Variants in THOC1 observed in about 807,000 individuals in gnomAD.
THOC1 encodes the protein THO complex subunit 1.
In THOC1, 29 loss-of-function variants were observed where a neutral mutation model predicts 97.3. That is an observed-to-expected ratio of 0.30 (90% CI 0.22 to 0.41). The LOEUF (loss-of-function observed/expected upper bound fraction) is 0.41, where lower values mean the gene tolerates loss of function less well. THOC1 is among the 10% of genes least tolerant of loss of function. THOC1 has a pLI of 1.00. For missense variants in THOC1, 529 were observed against 761.9 expected (o/e 0.69, Z 3.60); for synonymous variants, 255 against 257.0 (o/e 0.99, Z 0.07).
chr18:242,235 G>C lies in THOC1; in HGVS notation c.918+4089C>G, dbSNP rs1555607091. ...CTCACGCCTGTAATCCCTGCACTTT[G>C]GAAGGCTGAGGCAGGCAGATCACCT... On this transcript the variant is annotated intron_variant, in intron 11 of 20. Transcript: ENST00000261600. The surrounding 1 kb of genome is among the most constrained non-coding windows in gnomAD (Gnocchi z 4.5). 6.6e-6 allele frequency among the ~76,000 whole-genome samples: 1 copy of C among 151,612 alleles called. No individual in the cohort carries two copies. The highest frequency in any genetic ancestry group is 1.5e-5 in the Non-Finnish European group (1 of 68,026).
At chr18:240,262 T>C (rs1364752439) in intron 11 of THOC1, among the ~76,000 whole-genome samples, 1 of 152,234 alleles carries the variant, frequency 6.6e-6, no homozygotes, top group Non-Finnish European at 1.5e-5. Flanking sequence ...ACTTTGGCAG[T>C]ACATCTTCTG....
intron 11 of THOC1, among the ~76,000 whole-genome samples, chr18:233,605 T>C (rs1395180813): frequency 6.6e-6 from 1 of 152,120 alleles, no homozygotes; most frequent in Non-Finnish European, 1.5e-5. Flanking sequence ...AATAAATAAA[T>C]AATTCATCCT....
At chr18:263,144 G>C (rs903094885) in intron 4 of THOC1, among the ~76,000 whole-genome samples, 173 of 152,078 alleles carry the variant, frequency 1.1e-3, no homozygotes, top group Non-Finnish European at 2.0e-3. Flanking sequence ...GCAGTGGCTC[G>C]AGCTCAGCTC....
At position 265,466 on chromosome 18, in the gene THOC1, A is replaced by G. The variant is rs1373658274; in HGVS notation, c.119T>C (p.Val40Ala). Residue 40 changes from valine (V) to alanine (A), a missense_variant, in exon 2 of 21, where the codon GTA (valine) becomes GCA (alanine). Physicochemically the swap from Val to Ala is moderately conservative, Grantham distance 64. Around this residue, in one of 8 missense-constraint regions of THOC1, gnomAD observed 114 missense variants for 97.4 expected, o/e 1.17. Transcript: ENST00000261600. ...GATATCAATGCCTTACCTGCCAGGT[A>G]CCTGGCTGAAGGTACTTAACAATGG... is the stretch of plus-strand genomic sequence containing the variant. ...IKPLLSTFSQ[V>A]PGSENEKKCT... 3.8e-6 allele frequency: 6 copies of G among 1,598,448 alleles called. No individual in the cohort carries two copies. The highest frequency in any genetic ancestry group is 5.1e-6 in the Non-Finnish European group (6 of 1,172,088).
intron 16 of THOC1, 146 bp downstream of exon 16, chr18:223,938 A>G: frequency 1.6e-6 from 1 of 626,556 alleles, no homozygotes; most frequent in Non-Finnish European, 2.8e-6. Flanking sequence ...CACAATGGGC[A>G]GTATAGACAG....
chr18:221,392 TAA>T (rs1289925935), intron 17 of THOC1, among the ~76,000 whole-genome samples: 1 of 152,116 alleles, frequency 6.6e-6, no homozygotes, highest in Non-Finnish European at 1.5e-5. Context: ...TCTTAGAAAA[TAA>T]AGTTTAAAAT....
rs923499292 is a variant in THOC1 at position 254,117 on chromosome 18, G to T, written c.603+156C>A. On this transcript the variant is annotated intron_variant, in intron 8 of 20. Transcript: ENST00000261600. This position sits in a 1 kb window ranked among gnomAD's most constrained non-coding sequence, Gnocchi z 4.1. ...TGTAGGAATGAGGATTTGCCATGTTGTCCAGGCTGGTCTTGAACTCCTAGG... is the reference window on the plus strand; with the variant it reads ...TGTAGGAATGAGGATTTGCCATGTTTTCCAGGCTGGTCTTGAACTCCTAGG... 1.3e-5 allele frequency among the ~76,000 whole-genome samples: 2 copies of T among 151,808 alleles called. No homozygotes were observed. Among genetic ancestry groups the T allele is most frequent in the Non-Finnish European group, 2.9e-5 (2 of 67,972 alleles).
At chr18:265,197 C>CG (rs1912724291) in intron 3 of THOC1, 106 bp downstream of exon 3, 2 of 892,596 alleles carry the variant, frequency 2.2e-6, no homozygotes, top group Admixed American at 6.0e-5. Context: ...AAAGGTTACT[C>CG]TAAAAAAAGA....
rs1202796912 is a variant in THOC1 at position 264,080 on chromosome 18, A to C, written c.202T>G (p.Ser68Ala). The C allele has an allele frequency of 6.2e-7, 1 of 1,611,282 alleles. No homozygotes were observed. The highest frequency in any genetic ancestry group is 8.5e-7 in the Non-Finnish European group (1 of 1,178,176). ...ATAATAGCTAAAACGTTTTCACATGATGAATGATTTATCTACCAACAGAGG... is the reference window on the plus strand; with the variant it reads ...ATAATAGCTAAAACGTTTTCACATGCTGAATGATTTATCTACCAACAGAGG... ...ILEEEIINHS[S>A]CENVLAIISL... The change falls in exon 4 of 21, where the codon TCA (serine) becomes GCA (alanine). Residue 68 changes from serine (S) to alanine (A), a missense_variant. Ser to Ala is a moderately conservative substitution (Grantham distance 99, BLOSUM62 1). Coordinates refer to ENST00000261600, the MANE Select transcript of THOC1 (RefSeq NM_005131.3).
At chr18:260,419 G>A (rs749012355) in intron 4 of THOC1, 115 bp from the exon 5 acceptor site, 51 of 693,440 alleles carry the variant, frequency 7.4e-5, no homozygotes, top group Non-Finnish European at 1.0e-4. Flanking sequence ...TCATAACAAG[G>A]TTTTAAAAGG....
At chr18:266,368 A>G (rs541224611) in intron 1 of THOC1, among the ~76,000 whole-genome samples, 1 of 152,030 alleles carries the variant, frequency 6.6e-6, no homozygotes, top group African/African-American at 2.4e-5. Flanking sequence ...GTTTTTGTAG[A>G]TTTTTACTAC....
In THOC1 at chr18:224,943, G is replaced by T. The variant is rs1417446775; in HGVS notation, c.1189C>A (p.Pro397Thr). The T allele has an allele frequency of 6.4e-7, 1 of 1,573,752 alleles. No homozygotes were observed. Among genetic ancestry groups the T allele is most frequent in the Non-Finnish European group, 8.6e-7 (1 of 1,157,494 alleles). Residue 397 changes from proline to threonine, a missense_variant, in exon 15 of 21, where the codon CCA becomes ACA. By Grantham distance (38) the Pro-to-Thr change is conservative. This residue lies in a region of THOC1 where 123 missense variants were observed against 159.0 expected (regional missense o/e 0.77). Coordinates refer to ENST00000261600, the MANE Select transcript of THOC1 (RefSeq NM_005131.3). ...NWNSWKNEGC[P>T]SFVKERTSDT... The stretch of plus-strand genomic sequence containing the variant: ...ATTTACCTTTCTTTCACAAAACTTG[G>T]GCAACCTTCATTTTTCCACGAGTTC...
chr18:244,941 T>C (rs1454942715), intron 11 of THOC1: 1 of 152,222 alleles, frequency 6.6e-6, no homozygotes, highest in Non-Finnish European at 1.5e-5. Flanking sequence ...TGTTCATCTA[T>C]GTCCAGTGTA....
At chr18:234,474 G>T (rs1911603354) in intron 11 of THOC1, among the ~76,000 whole-genome samples, 1 of 152,008 alleles carries the variant, frequency 6.6e-6, no homozygotes, top group Admixed American at 6.6e-5. Flanking sequence ...TTTTTGTATT[G>T]AATATTAGAT....
At chr18:239,429 C>T (rs917141129) in intron 11 of THOC1, among the ~76,000 whole-genome samples, 3 of 152,136 alleles carry the variant, frequency 2.0e-5, no homozygotes, top group African/African-American at 4.8e-5. Flanking sequence ...CTCAGCCTCC[C>T]GAGTAGCTGG....
chr18:246,362 C>G lies in THOC1; in HGVS notation c.880G>C (p.Glu294Gln). The part of the protein sequence containing the change: ...KKMEELKTGG[E>Q]HVYFAKFLTS... ...AAAAATTTTGCAAAATATACATGTT[C>G]TCCTCCTGTTTTCAATTCTTCCATC... The change falls in exon 11 of 21, where the codon GAA (glutamate) becomes CAA (glutamine). Residue 294 changes from glutamate (E) to glutamine (Q), a missense_variant. This residue lies in a region of THOC1 where 92 missense variants were observed against 127.0 expected (regional missense o/e 0.72). Coordinates refer to ENST00000261600, the MANE Select transcript of THOC1 (RefSeq NM_005131.3). The G allele has an allele frequency of 6.2e-7, 1 of 1,600,224 alleles. No homozygotes were observed. Among genetic ancestry groups the G allele is most frequent in the Non-Finnish European group, 8.6e-7 (1 of 1,169,364 alleles).
chr18:218,848 G>T, intron 18 of THOC1, 38 bp downstream of exon 18: 1 of 1,515,826 alleles, frequency 6.6e-7, no homozygotes, highest in Non-Finnish European at 9.0e-7. Flanking sequence ...GAAACAAATT[G>T]AAGAAAATTA....
chr18:232,394 TA>T (rs1244280885), intron 11 of THOC1, among the ~76,000 whole-genome samples: 2 of 152,058 alleles, frequency 1.3e-5, no homozygotes, highest in Non-Finnish European at 2.9e-5. Context: ...CCTGGCCCAA[TA>T]AAAATTATCT....
At chr18:267,695 A>G (rs1341854011) in intron 1 of THOC1, among the ~76,000 whole-genome samples, 2 of 152,166 alleles carry the variant, frequency 1.3e-5, no homozygotes, top group Non-Finnish European at 2.9e-5. Flanking sequence ...AGTAGTCTGC[A>G]GGTGGGCACT....
Sources: allele counts gnomAD v4.1 joint callset (sites outside exome capture counted in the v4.1 genomes callset), GRCh38; gene constraint gnomAD v4.1.1; regional missense constraint gnomAD v4.1.1; non-coding constraint Gnocchi (gnomAD v3.1); transcripts MANE v1.5; gene names NCBI Gene and HGNC (gene_info 2026-07-23, HGNC 2026-07-21).